Variants in AMPD2 observed in about 807,000 individuals in gnomAD.
AMPD2 encodes the protein AMP deaminase 2.
AMPD2 carries 52 observed loss-of-function variants against 91.3 expected under a neutral mutation model. That is an observed-to-expected ratio of 0.57 (90% CI 0.46 to 0.72). AMPD2 has a LOEUF of 0.72. Ranked by LOEUF, AMPD2 falls within the 30% of genes least tolerant of loss-of-function variation. The pLI is 0.00. For missense variants in AMPD2, 822 were observed against 1,122.3 expected (o/e 0.73, Z 3.82); for synonymous variants, 455 against 456.4 (o/e 1.00, Z 0.04).
intron 2 of AMPD2, 153 bp downstream of exon 2, chr1:109,621,419 G>T: frequency 4.7e-6 from 2 of 429,604 alleles, no homozygotes; most frequent in Non-Finnish European, 9.3e-6. Flanking sequence ...AGCCGGCTTG[G>T]AAGGTGGGGT....
In AMPD2 at chr1:109,631,083, A is replaced by G; in HGVS notation, c.2409A>G (p.Ala803=). ...LCQELALITQ[A]VQSEMLETIP... ...AGGAGCTGGCGCTCATCACGCAGGC[A>G]GTCCAGAGTGAGATGCTGGAGACCA... is the stretch of plus-strand genomic sequence containing the variant. Residue 803 remains alanine, a synonymous_variant, in exon 19 of 19, where the codon GCA becomes GCG. Coordinates refer to ENST00000528667, the MANE Select transcript of AMPD2 (RefSeq NM_001368809.2). 1 of 1,612,752 alleles carries G rather than the reference A, an allele frequency of 6.2e-7. No homozygotes were observed. Among genetic ancestry groups the G allele is most frequent in the Non-Finnish European group, 8.5e-7 (1 of 1,179,412 alleles).
chr1:109,619,844 G>A lies in AMPD2; in HGVS notation c.-697G>A, dbSNP rs552795000. The stretch of plus-strand genomic sequence containing the variant: ...CCAGGCGGGGGCGGGGCCAAGGGCC[G>A]CAGAGCCTGGCGCGGAGCCGGCGAG... On this transcript the variant is annotated 5_prime_UTR_variant, in exon 1 of 19. Coordinates refer to ENST00000528667, the MANE Select transcript of AMPD2 (RefSeq NM_001368809.2). 58 of 201,958 alleles carry A rather than the reference G, an allele frequency of 2.9e-4. No homozygotes were observed. The highest frequency in any genetic ancestry group is 1.3e-3 in the Admixed American group (23 of 17,642). The allele number at this position is 201,958 out of a possible 1,614,324, so 12.5% of individuals were successfully genotyped here. A position where few individuals can be genotyped will look rare whatever the true frequency, so the allele number is the denominator to read the frequency against.
At position 109,628,342 on chromosome 1, in the gene AMPD2, T is replaced by C. The variant is rs574786468; in HGVS notation, c.1276-22T>C. ...AGGGGACCAGGAGTCACGGGTGACC[T>C]GAGCCTTCCCATGTCCCCCAGGACA... On this transcript the variant is annotated intron_variant, in intron 11 of 18. Coordinates refer to ENST00000528667, the MANE Select transcript of AMPD2 (RefSeq NM_001368809.2). This position sits in a 1 kb window ranked among gnomAD's most constrained non-coding sequence, Gnocchi z 7.1. 1.2e-6 allele frequency: 2 copies of C among 1,613,916 alleles called. No homozygotes were observed. Among genetic ancestry groups the C allele is most frequent in the South Asian group, 1.1e-5 (1 of 91,084 alleles).
rs758520777 is a variant in AMPD2 at position 109,620,314 on chromosome 1, T to C, written c.-263+36T>C. 3 of 1,612,868 alleles carry C rather than the reference T, an allele frequency of 1.9e-6. No individual in the cohort carries two copies. In the African/African-American group the frequency reaches 4.0e-5, roughly 22 times the overall value. On this transcript the variant is annotated intron_variant, in intron 1 of 18. Coordinates refer to ENST00000528667, the MANE Select transcript of AMPD2 (RefSeq NM_001368809.2). ...GTACGTGTGTTGGAGGGAGGGTCTCTGGGACAGAGAAGTGCTGTGGCCAGA... is the reference window on the plus strand; with the variant it reads ...GTACGTGTGTTGGAGGGAGGGTCTCCGGGACAGAGAAGTGCTGTGGCCAGA...
Position 109,629,241 on chromosome 1 carries a change from C to T in AMPD2, c.1698+6C>T. The stretch of plus-strand genomic sequence containing the variant: ...TGCATCTCTTCTTAGAGCACGTGAG[C>T]AGGCAGCGCAGAGCTGGGTATGGGG... On this transcript the variant is annotated splice_donor_region_variant and intron_variant, in intron 14 of 18. Transcript: ENST00000528667. The T allele has an allele frequency of 1.2e-6, 2 of 1,614,112 alleles. No individual in the cohort carries two copies.
Position 109,631,562 on chromosome 1 carries a change from A to T in AMPD2, c.*410A>T. On this transcript the variant is annotated 3_prime_UTR_variant, in exon 19 of 19. Transcript: ENST00000528667. ...GTTTAGGCCCCTGTCTTGTTCATGT[A>T]GCCGAGGGGCAGGCGGGGGACCTCT... 1 of 267,434 alleles carries T rather than the reference A, an allele frequency of 3.7e-6. No homozygotes were observed. 16.6% of individuals were successfully genotyped at this position (267,434 alleles called of 1,614,324 possible).
At position 109,626,153 on chromosome 1, in the gene AMPD2, C is replaced by T. The variant is rs1045549669; in HGVS notation, c.354-7C>T. Reference sequence around the variant, plus strand: ...TCTGCCTGACTTCTCACCCCTCTTGCCTCTAGGCTGGAGCCAGACATCCTG... The same window carrying T: ...TCTGCCTGACTTCTCACCCCTCTTGTCTCTAGGCTGGAGCCAGACATCCTG... On this transcript the variant is annotated splice_region_variant and splice_polypyrimidine_tract_variant and intron_variant, in intron 4 of 18. Transcript: ENST00000528667. 4 of 1,614,024 alleles carry T rather than the reference C, an allele frequency of 2.5e-6. No homozygotes were observed. Among genetic ancestry groups the T allele is most frequent in the Non-Finnish European group, 3.4e-6 (4 of 1,180,022 alleles).
chr1:109,628,147 G>C lies in AMPD2; in HGVS notation c.1145G>C (p.Arg382Pro). The C allele has an allele frequency of 6.2e-7, 1 of 1,614,122 alleles. No homozygotes were observed. The highest frequency in any genetic ancestry group is 8.5e-7 in the Non-Finnish European group (1 of 1,180,048). Residue 382 changes from arginine (R) to proline (P), a missense_variant, in exon 11 of 19, where the codon CGG becomes CCG. Physicochemically the swap from Arg to Pro is moderately radical, Grantham distance 103 (BLOSUM62 -2). This residue lies in a region of AMPD2 where 430 missense variants were observed against 606.0 expected (regional missense o/e 0.71). Coordinates refer to ENST00000528667, the MANE Select transcript of AMPD2 (RefSeq NM_001368809.2). The surrounding 1 kb of genome is among the most constrained non-coding windows in gnomAD (Gnocchi z 7.1). The stretch of plus-strand genomic sequence containing the variant: ...AAGCATCTGCTGCGCTTCATCAAGC[G>C]GGCAATGAAGCGGCACCTGGAGGAG... ...NQKHLLRFIKRAMKRHLEEIV... is the reference protein window; with the variant it reads ...NQKHLLRFIKPAMKRHLEEIV...
intron 15 of AMPD2, 125 bp downstream of exon 15, chr1:109,629,615 T>A (rs1355664806): frequency 6.9e-7 from 1 of 1,453,162 alleles, no homozygotes; most frequent in Non-Finnish European, 9.4e-7. Context: ...ATGGGTTCTT[T>A]CTCTGCCCTT....
At position 109,628,140 on chromosome 1, in the gene AMPD2, A is replaced by T; in HGVS notation, c.1138A>T (p.Ile380Phe). Residue 380 changes from isoleucine (I) to phenylalanine (F), a missense_variant, in exon 11 of 19, where the codon ATC becomes TTC. Physicochemically the swap from Ile to Phe is conservative, Grantham distance 21 (BLOSUM62 0). Transcript: ENST00000528667. The surrounding 1 kb of genome is among the most constrained non-coding windows in gnomAD (Gnocchi z 7.1). ...GAACCAGAAGCATCTGCTGCGCTTC[A>T]TCAAGCGGGCAATGAAGCGGCACCT... ...CMNQKHLLRFIKRAMKRHLEE... is the reference protein window; with the variant it reads ...CMNQKHLLRFFKRAMKRHLEE... The T allele has an allele frequency of 6.2e-7, 1 of 1,614,114 alleles. No individual in the cohort carries two copies. The highest frequency in any genetic ancestry group is 8.5e-7 in the Non-Finnish European group (1 of 1,180,044).
chr1:109,631,280 A>C lies in AMPD2; in HGVS notation c.*128A>C. 1 of 971,912 alleles carries C rather than the reference A, an allele frequency of 1.0e-6. No individual in the cohort carries two copies. Among genetic ancestry groups the C allele is most frequent in the Non-Finnish European group, 1.6e-6 (1 of 637,932 alleles). The allele number at this position is 971,912 out of a possible 1,614,324, so 60.2% of individuals were successfully genotyped here. ...GTCTCTGTCTTGCATGTCTCCTACC[A>C]TGTCACTGTCCCTGGGCCACCCAGT... On this transcript the variant is annotated 3_prime_UTR_variant, in exon 19 of 19. Transcript: ENST00000528667.
intron 2 of AMPD2, 165 bp downstream of exon 2, chr1:109,621,431 A>AGGGGGG: frequency 8.8e-6 from 1 of 113,368 alleles, no homozygotes. Flanking sequence ...AGGTGGGGTG[A>AGGGGGG]GGGGTGGTGG....
chr1:109,621,446 CG>C (rs1207447286), intron 2 of AMPD2, 180 bp downstream of exon 2: 4 of 133,838 alleles, frequency 3.0e-5, no homozygotes, highest in African/African-American at 7.0e-5. Flanking sequence ...TGGTGGGGGG[CG>C]GGGGGTGGAT....
At position 109,629,452 on chromosome 1, in the gene AMPD2, C is replaced by A. The variant is rs754619735; in HGVS notation, c.1824C>A (p.Tyr608Ter). The A allele has an allele frequency of 1.8e-5, 29 of 1,613,984 alleles. No homozygotes were observed. Among genetic ancestry groups the A allele is most frequent in the Non-Finnish European group, 2.4e-5 (28 of 1,180,012 alleles). Residue 608 changes from tyrosine (Y) to a stop codon, truncating the protein, a stop_gained, in exon 15 of 19, where the codon TAC (tyrosine) becomes TAA (stop). Coordinates refer to ENST00000528667, the MANE Select transcript of AMPD2 (RefSeq NM_001368809.2). LOFTEE classifies it high-confidence loss of function. The stretch of plus-strand genomic sequence containing the variant: ...CACCCTATGCCTACTACCTGTACTA[C>A]ACCTTTGCCAACATGGCCATGTTGA... ...DNPPYAYYLYYTFANMAMLNH... is the reference protein window; with the variant it reads ...DNPPYAYYLY
chr1:109,630,577 G>A, intron 17 of AMPD2, 106 bp from the exon 18 acceptor site: 2 of 988,164 alleles, frequency 2.0e-6, no homozygotes, highest in Non-Finnish European at 3.0e-6. Context: ...TGGGGGGTTG[G>A]GGGGATGGGG....
rs1204057221 is a variant in AMPD2, at chr1:109,626,334, G to C, written c.438G>C (p.Gln146His). The change falls in exon 6 of 19, where the codon CAG (glutamine) becomes CAC (histidine). Residue 146 changes from glutamine to histidine, a missense_variant. By Grantham distance (24) the Gln-to-His change is conservative (BLOSUM62 0). This residue lies in a region of AMPD2 where 240 missense variants were observed against 270.3 expected (regional missense o/e 0.89). Transcript: ENST00000528667. ...CCCCCTGCAGGCTCTACAAGGAACA[G>C]GGTGAGGGGCAGGGTGACCGGAGCC... ...SDSDLQLYKE[Q>H]GEGQGDRSLR... The C allele has an allele frequency of 6.2e-7, 1 of 1,613,492 alleles. No homozygotes were observed.
Position 109,627,188 on chromosome 1 carries a change from C to T in AMPD2, c.732C>T (p.His244=), listed in dbSNP as rs560909791. 8.7e-6 allele frequency: 14 copies of T among 1,612,864 alleles called. No individual in the cohort carries two copies. The South Asian group carries it at 1.4e-4, about 16-fold the overall frequency. The stretch of plus-strand genomic sequence containing the variant: ...TCACCCCTGCAGATGCCCCGGTGCA[C>T]CCCCCTGCGCTGGAGCAGCACCCGT... The part of the protein sequence containing the change: ...DTPVSADAPV[H]PPALEQHPYE... Residue 244 remains histidine, a synonymous_variant, in exon 8 of 19, where the codon CAC becomes CAT. Coordinates refer to ENST00000528667, the MANE Select transcript of AMPD2 (RefSeq NM_001368809.2).
At position 109,620,256 on chromosome 1, in the gene AMPD2, G is replaced by C; in HGVS notation, c.-285G>C. ...ACTTCTCGTGGGCAGCCTCCCCTCG[G>C]AACTCGGGCATCATGGCCTCAGGTG... On this transcript the variant is annotated 5_prime_UTR_variant, in exon 1 of 19. Coordinates refer to ENST00000528667, the MANE Select transcript of AMPD2 (RefSeq NM_001368809.2). The C allele has an allele frequency of 6.2e-7, 1 of 1,614,138 alleles. No homozygotes were observed. Among genetic ancestry groups the C allele is most frequent in the Non-Finnish European group, 8.5e-7 (1 of 1,179,982 alleles).
chr1:109,621,422 G>C, intron 2 of AMPD2, 156 bp downstream of exon 2: 1 of 757,110 alleles, frequency 1.3e-6, no homozygotes, highest in Non-Finnish European at 2.3e-6. Context: ...CGGCTTGGAA[G>C]GTGGGGTGAG....
Sources: allele counts gnomAD v4.1 joint callset, GRCh38; gene constraint gnomAD v4.1.1; regional missense constraint gnomAD v4.1.1; non-coding constraint Gnocchi (gnomAD v3.1); transcripts MANE v1.5; gene names NCBI Gene and HGNC (gene_info 2026-07-23, HGNC 2026-07-21).